Variants in MEAK7 observed in about 807,000 individuals in gnomAD.
The protein encoded by MEAK7 is MTOR associated protein MEAK7.
A neutral mutation model predicts 40.5 loss-of-function variants in MEAK7; 68 were observed. The observed-to-expected ratio is 1.68, with a 90% confidence interval of 1.38 to 2.06. MEAK7 has a LOEUF of 2.06. MEAK7 is among the 30% of genes most tolerant of loss of function. The pLI, the probability that MEAK7 is intolerant of heterozygous loss-of-function variation, is 0.00. For synonymous variants in MEAK7, 338 were observed against 231.9 expected (o/e 1.46, Z -4.16); for missense variants, 918 against 580.5 (o/e 1.58, Z -5.98).
chr16:84,484,616 T>C (rs1912872119), intron 5 of MEAK7, among the ~76,000 whole-genome samples: 6 of 152,188 alleles, frequency 3.9e-5, no homozygotes, highest in Admixed American at 1.3e-4. Flanking sequence ...CGAAGCCACA[T>C]TACCCCGCAG....
intron 3 of MEAK7, among the ~76,000 whole-genome samples, chr16:84,491,735 A>G (rs1317115821): frequency 6.6e-6 from 1 of 150,566 alleles, no homozygotes; most frequent in Non-Finnish European, 1.5e-5. Flanking sequence ...CCACTTGGGA[A>G]GCTAAGGCAG....
intron 4 of MEAK7, chr16:84,488,317 T>G (rs2150632780): frequency 6.6e-6 from 1 of 152,308 alleles, no homozygotes; most frequent in East Asian, 1.9e-4. Flanking sequence ...CTAAACTAAC[T>G]TCTGAAATAT....
At position 84,495,677 on chromosome 16, in the gene MEAK7, C is replaced by A; in HGVS notation, c.384+6G>T. Reference sequence around the variant, plus strand: ...GAGGCTGCAAAGGACCTCGCGGCCTCACTACCTTTTGGACTTCTCTGGCCT... The same window carrying A: ...GAGGCTGCAAAGGACCTCGCGGCCTAACTACCTTTTGGACTTCTCTGGCCT... On this transcript the variant is annotated splice_donor_region_variant and intron_variant, in intron 3 of 7. Transcript: ENST00000343629. The A allele has an allele frequency of 6.2e-7, 1 of 1,614,122 alleles. No homozygotes were observed. Among genetic ancestry groups the A allele is most frequent in the Non-Finnish European group, 8.5e-7 (1 of 1,179,968 alleles).
rs1397002742 is a variant in MEAK7, at chr16:84,477,686, C to A, written c.*2227G>T. The A allele has an allele frequency of 6.6e-6, 1 of 151,934 alleles. No individual in the cohort carries two copies. The highest frequency in any genetic ancestry group is 2.4e-5 in the African/African-American group (1 of 41,308). 9.4% of individuals were successfully genotyped at this position (151,934 alleles called of 1,614,324 possible). A position where few individuals can be genotyped will look rare whatever the true frequency, so the allele number is the denominator to read the frequency against. On this transcript the variant is annotated 3_prime_UTR_variant, in exon 8 of 8. Coordinates refer to ENST00000343629, the MANE Select transcript of MEAK7 (RefSeq NM_020947.4). ...AACCTGAATTCTCATTCTGGTTTCA[C>A]AAAAGAACAAACTATTCATTTGTGC...
intron 6 of MEAK7, 22 bp from the exon 7 acceptor site, chr16:84,480,730 A>T: frequency 6.3e-7 from 1 of 1,597,596 alleles, no homozygotes; most frequent in East Asian, 2.2e-5. Context: ...GCCAGGACAG[A>T]GAATAGCATC....
intron 3 of MEAK7, among the ~76,000 whole-genome samples, chr16:84,489,948 G>C (rs754182888): frequency 1.3e-5 from 2 of 152,130 alleles, no homozygotes; most frequent in Non-Finnish European, 2.9e-5. Flanking sequence ...GATGGCAGAG[G>C]GCAGTCTGCA....
intron 2 of MEAK7, chr16:84,497,482 C>A: frequency 3.1e-6 from 4 of 1,290,080 alleles, no homozygotes; most frequent in Non-Finnish European, 4.0e-6. Context: ...TCCAGGAGGG[C>A]AGACCCATCA....
chr16:84,486,885 T>C lies in MEAK7; in HGVS notation c.704A>G (p.Gln235Arg). Residue 235 changes from glutamine (Q) to arginine (R), a missense_variant, in exon 5 of 8, where the codon CAA becomes CGA. Coordinates refer to ENST00000343629, the MANE Select transcript of MEAK7 (RefSeq NM_020947.4). Reference sequence around the variant, plus strand: ...CTCAAAACCCCTGCCCTGGTCCACTTGACGCTCAGGGACCAGGGTAGTCAG... The same window carrying C: ...CTCAAAACCCCTGCCCTGGTCCACTCGACGCTCAGGGACCAGGGTAGTCAG... Reference protein sequence around the residue: ...LDLTTLVPERQVDQGRGFESI... With the variant: ...LDLTTLVPERRVDQGRGFESI... 1.2e-6 allele frequency: 2 copies of C among 1,614,136 alleles called. No homozygotes were observed. The highest frequency in any genetic ancestry group is 1.7e-6 in the Non-Finnish European group (2 of 1,180,032).
At chr16:84,502,728 G>C (rs558022663) in intron 1 of MEAK7, 1 of 152,200 alleles carries the variant, frequency 6.6e-6, no homozygotes, top group Admixed American at 6.5e-5. Context: ...AACCTCAGCC[G>C]GGTGTGGTGG....
intron 5 of MEAK7, 28 bp from the exon 6 acceptor site, chr16:84,482,738 CAG>C (rs1912686271): frequency 3.1e-6 from 5 of 1,612,956 alleles, no homozygotes; most frequent in Non-Finnish European, 4.2e-6. Flanking sequence ...ACAAAACAAA[CAG>C]GGTCGGTGTC....
rs756621883 is a variant in MEAK7 at position 84,486,864 on chromosome 16, A to C, written c.725T>G (p.Phe242Cys). Residue 242 changes from phenylalanine to cysteine, a missense_variant, in exon 5 of 8, where the codon TTT becomes TGT. Physicochemically the swap from Phe to Cys is radical, Grantham distance 205 (BLOSUM62 -2). Coordinates refer to ENST00000343629, the MANE Select transcript of MEAK7 (RefSeq NM_020947.4). ...AGAGAGGACATCCAGGATGCTCTCA[A>C]AACCCCTGCCCTGGTCCACTTGACG... ...PERQVDQGRG[F>C]ESILDVLSVM... 1 of 1,614,186 alleles carries C rather than the reference A, an allele frequency of 6.2e-7. No individual in the cohort carries two copies. Among genetic ancestry groups the C allele is most frequent in the Non-Finnish European group, 8.5e-7 (1 of 1,180,036 alleles).
rs372186144 is a variant in MEAK7 at position 84,486,518 on chromosome 16, A to C, written c.958+113T>G. The stretch of plus-strand genomic sequence containing the variant: ...CCTATCGCCCCGACTGCGTCTAGAG[A>C]AACACTTGGAGAAGATGGGAGAGCC... On this transcript the variant is annotated intron_variant, in intron 5 of 7. Coordinates refer to ENST00000343629, the MANE Select transcript of MEAK7 (RefSeq NM_020947.4). 68 of 1,469,954 alleles carry C rather than the reference A, an allele frequency of 4.6e-5. 1 individual carries two copies. The South Asian group carries it at 8.2e-4, about 18-fold the overall frequency. The allele number at this position is 1,469,954 out of a possible 1,614,324, so 91.1% of individuals were successfully genotyped here. A position where few individuals can be genotyped will look rare whatever the true frequency, so the allele number is the denominator to read the frequency against.
In MEAK7 at chr16:84,502,544, C is replaced by T. The variant is rs551957058; in HGVS notation, c.-26+2057G>A. The stretch of plus-strand genomic sequence containing the variant: ...CACAGCTTTGCAGAGAAGAGGCCAC[C>T]CCATGTACCCAGGTGTACTGTGAAA... On this transcript the variant is annotated intron_variant, in intron 1 of 7. Coordinates refer to ENST00000343629, the MANE Select transcript of MEAK7 (RefSeq NM_020947.4). Among the ~76,000 whole-genome samples, 4 of 152,048 alleles carry T rather than the reference C, an allele frequency of 2.6e-5. No individual in the cohort carries two copies. In the South Asian group the frequency reaches 6.3e-4, roughly 24 times the overall value.
At chr16:84,483,095 G>A (rs987809745) in intron 5 of MEAK7, among the ~76,000 whole-genome samples, 4 of 152,204 alleles carry the variant, frequency 2.6e-5, no homozygotes, top group Non-Finnish European at 5.9e-5. Context: ...CTCCAGCACA[G>A]CCTACCTGAG....
At chr16:84,499,592 C>A (rs1345909252) in intron 1 of MEAK7, among the ~76,000 whole-genome samples, 3 of 152,172 alleles carry the variant, frequency 2.0e-5, no homozygotes, top group African/African-American at 7.2e-5. Context: ...CAATACGGTG[C>A]AACCCTCACA....
Position 84,479,921 on chromosome 16 carries a change from C to A in MEAK7, c.1363G>T (p.Asp455Tyr). 1 of 1,596,206 alleles carries A rather than the reference C, an allele frequency of 6.3e-7. No homozygotes were observed. Among genetic ancestry groups the A allele is most frequent in the South Asian group, 1.1e-5 (1 of 89,796 alleles). The change falls in exon 8 of 8, where the codon GAT becomes TAT. Residue 455 changes from aspartate to tyrosine, a missense_variant. Physicochemically the swap from Asp to Tyr is radical, Grantham distance 160 (BLOSUM62 -3). Coordinates refer to ENST00000343629, the MANE Select transcript of MEAK7 (RefSeq NM_020947.4). ...HSEGLREVPD[D>Y]E Reference sequence around the variant, plus strand: ...AAGGCTCAGGCGGCTCCTCATTCATCGTCCGGGACTTCCCGGAGCCCTTCG... The same window carrying A: ...AAGGCTCAGGCGGCTCCTCATTCATAGTCCGGGACTTCCCGGAGCCCTTCG...
intron 5 of MEAK7, among the ~76,000 whole-genome samples, chr16:84,483,797 T>G (rs544333267): frequency 3.3e-5 from 5 of 150,640 alleles, no homozygotes; most frequent in African/African-American, 9.8e-5. Context: ...GGGGCAAGAG[T>G]CCCCATGGAG....
intron 6 of MEAK7, among the ~76,000 whole-genome samples, chr16:84,480,922 C>A (rs1327391989): frequency 2.6e-5 from 4 of 152,204 alleles, no homozygotes; most frequent in African/African-American, 9.7e-5. Context: ...TCATCTATGT[C>A]TCCAGACACC....
chr16:84,499,434 G>A (rs1057162254), intron 1 of MEAK7, among the ~76,000 whole-genome samples: 1 of 152,164 alleles, frequency 6.6e-6, no homozygotes. Flanking sequence ...CATGCTACTA[G>A]GGTGGGGCAT....
Sources: allele counts gnomAD v4.1 joint callset (sites outside exome capture counted in the v4.1 genomes callset), GRCh38; gene constraint gnomAD v4.1.1; transcripts MANE v1.5; gene names NCBI Gene and HGNC (gene_info 2026-07-23, HGNC 2026-07-21).